NCOA3: variants seen among roughly 807,000 people sequenced by gnomAD.
NCOA3 encodes the protein nuclear receptor coactivator 3.
Under a neutral mutation model 158.8 loss-of-function variants are expected in NCOA3, and 51 were observed. That is an observed-to-expected ratio of 0.32 (90% CI 0.26 to 0.41). The LOEUF is 0.41. NCOA3 is among the 10% of genes least tolerant of loss of function. The pLI is 1.00. For missense variants in NCOA3, 1,510 were observed against 1,746.6 expected (o/e 0.86, Z 2.41); for synonymous variants, 537 against 592.4 (o/e 0.91, Z 1.36).
intron 1 of NCOA3, among the ~76,000 whole-genome samples, chr20:47,518,485 A>T (rs1048947618): frequency 7.0e-6 from 1 of 143,626 alleles, no homozygotes; most frequent in Non-Finnish European, 1.5e-5. Context: ...GTGCAATGGC[A>T]TGATCTCGGC....
chr20:47,523,555 A>C (rs1407937266), intron 1 of NCOA3, among the ~76,000 whole-genome samples: 1 of 152,220 alleles, frequency 6.6e-6, no homozygotes, highest in Non-Finnish European at 1.5e-5. Context: ...TCCATAAAGA[A>C]GACTGGAATT....
intron 1 of NCOA3, among the ~76,000 whole-genome samples, chr20:47,560,633 C>G (rs1202817313): frequency 6.6e-6 from 1 of 152,082 alleles, no homozygotes; most frequent in African/African-American, 2.4e-5. Context: ...AATTAGCAGT[C>G]CTGTAATAAC....
At chr20:47,543,511 C>CTT (rs773919016) in intron 1 of NCOA3, among the ~76,000 whole-genome samples, 2 of 145,274 alleles carry the variant, frequency 1.4e-5, no homozygotes, top group Non-Finnish European at 1.5e-5. Flanking sequence ...TCTTCTTCTT[C>CTT]TTTTTTTTTT....
At chr20:47,515,664 T>C (rs2084223200) in intron 1 of NCOA3, among the ~76,000 whole-genome samples, 1 of 151,874 alleles carries the variant, frequency 6.6e-6, no homozygotes. Flanking sequence ...TTTTATTTTT[T>C]AGTAGAGACG....
chr20:47,595,712 G>T lies in NCOA3; in HGVS notation c.-20+12451G>T, dbSNP rs184710174. On this transcript the variant is annotated intron_variant, in intron 2 of 22. Transcript: ENST00000371998. ...AATTTTTTGGTGGGATTGGTTAAAA[G>T]CTTGGCTCTGAAGTTAGAATGACTT... Among the ~76,000 whole-genome samples the T allele has an allele frequency of 1.7e-4, 25 of 151,206 alleles. No homozygotes were observed. In the Middle Eastern group the frequency reaches 0.01, roughly 62 times the overall value.
chr20:47,548,187 G>T (rs2084864250), intron 1 of NCOA3, among the ~76,000 whole-genome samples: 7 of 151,692 alleles, frequency 4.6e-5, no homozygotes, highest in Admixed American at 4.0e-4. Context: ...ATATATAAGA[G>T]AATTTCTTAT....
At chr20:47,628,134 CCTACTGTAATGAGTG>C (rs2086353410) in intron 8 of NCOA3, 111 bp downstream of exon 8, 3 of 681,422 alleles carry the variant, frequency 4.4e-6, no homozygotes, top group Non-Finnish European at 7.5e-6. Context: ...GAAATGTATA[CCTACTGTAATGAGTG>C]CTTTATGTGT....
intron 1 of NCOA3, among the ~76,000 whole-genome samples, chr20:47,512,968 C>T (rs1187924947): frequency 1.3e-5 from 2 of 152,074 alleles, no homozygotes; most frequent in Non-Finnish European, 2.9e-5. Context: ...ACCAGCCTGG[C>T]CAACATGGCA....
At chr20:47,521,763 T>C (rs932845822) in intron 1 of NCOA3, among the ~76,000 whole-genome samples, 5 of 152,196 alleles carry the variant, frequency 3.3e-5, no homozygotes, top group African/African-American at 9.7e-5. Flanking sequence ...AAGAGAAATT[T>C]AGAACTCATA....
chr20:47,578,118 G>GA (rs989122682), intron 1 of NCOA3, among the ~76,000 whole-genome samples: 5 of 150,756 alleles, frequency 3.3e-5, no homozygotes, highest in Non-Finnish European at 7.4e-5. Flanking sequence ...TAAGTAATGG[G>GA]AAAAAAAAAT....
At position 47,636,604 on chromosome 20, in the gene NCOA3, T is replaced by C; in HGVS notation, c.2218T>C (p.Tyr740His). Residue 740 changes from tyrosine (Y) to histidine (H), a missense_variant, in exon 12 of 23, where the codon TAC becomes CAC. By Grantham distance (83) the Tyr-to-His change is moderately conservative (BLOSUM62 2). Around this residue, in one of 4 missense-constraint regions of NCOA3, gnomAD observed 1,017 missense variants for 1,098.3 expected, o/e 0.93. Coordinates refer to ENST00000371998, the MANE Select transcript of NCOA3 (RefSeq NM_181659.3). ...GAAGGAGAATAATGCACTTCTTAGA[T>C]ACCTGCTGGACAGGGATGATCCTAG... Reference protein sequence around the residue: ...KKKENNALLRYLLDRDDPSDA... With the variant: ...KKKENNALLRHLLDRDDPSDA... 1 of 1,614,172 alleles carries C rather than the reference T, an allele frequency of 6.2e-7. No homozygotes were observed. The highest frequency in any genetic ancestry group is 8.5e-7 in the Non-Finnish European group (1 of 1,180,014).
chr20:47,594,480 T>C (rs1318259430), intron 2 of NCOA3, among the ~76,000 whole-genome samples: 3 of 151,446 alleles, frequency 2.0e-5, no homozygotes, highest in South Asian at 4.2e-4. Context: ...CTGGCCAACA[T>C]GATGAGATCT....
At chr20:47,521,739 T>C (rs1012208362) in intron 1 of NCOA3, among the ~76,000 whole-genome samples, 2 of 152,188 alleles carry the variant, frequency 1.3e-5, no homozygotes, top group African/African-American at 2.4e-5. Context: ...TTGAACATAC[T>C]GACATATTCT....
At chr20:47,573,925 T>C (rs992401757) in intron 1 of NCOA3, among the ~76,000 whole-genome samples, 5 of 152,282 alleles carry the variant, frequency 3.3e-5, no homozygotes, top group Admixed American at 3.3e-4. Context: ...TCCGTGGCCA[T>C]TAAATAACAA....
intron 1 of NCOA3, among the ~76,000 whole-genome samples, chr20:47,507,989 G>A (rs959428350): frequency 1.2e-4 from 19 of 152,074 alleles, no homozygotes; most frequent in Middle Eastern, 6.8e-3. Context: ...AATTGACTTA[G>A]CCCCTTTCTC....
At chr20:47,605,051 A>G (rs1568719648) in intron 2 of NCOA3, among the ~76,000 whole-genome samples, 1 of 152,116 alleles carries the variant, frequency 6.6e-6, no homozygotes. Flanking sequence ...TATTTTTAGT[A>G]GAGACAGTGT....
chr20:47,652,698 A>G, intron 21 of NCOA3, 118 bp downstream of exon 21: 1 of 1,068,356 alleles, frequency 9.4e-7, no homozygotes, highest in East Asian at 2.6e-5. Flanking sequence ...GGTTCATATT[A>G]GAAGGTGTGA....
At chr20:47,619,681 A>C (rs2086202937) in intron 2 of NCOA3, among the ~76,000 whole-genome samples, 1 of 151,888 alleles carries the variant, frequency 6.6e-6, no homozygotes, top group South Asian at 2.1e-4. Context: ...TACTCAATGG[A>C]TAGTTTGCCA....
chr20:47,644,048 G>A (rs2086650376), intron 17 of NCOA3, among the ~76,000 whole-genome samples: 1 of 148,490 alleles, frequency 6.7e-6, no homozygotes, highest in East Asian at 2.0e-4. Flanking sequence ...GTGTTTTCTT[G>A]TATAATTTCT....
Sources: gnomAD v4.1 joint callset for allele counts (sites outside exome capture counted in the v4.1 genomes callset) on GRCh38, gnomAD v4.1.1 for gene constraint, gnomAD v4.1.1 regional missense constraint, MANE v1.5 for transcripts, NCBI Gene and HGNC (gene_info 2026-07-23, HGNC 2026-07-21) for gene names.